SPDYE6: variants seen among roughly 807,000 people sequenced by gnomAD.
SPDYE6 encodes the protein speedy/RINGO cell cycle regulator family member E6, also known as speedy protein E6.
For synonymous variants in SPDYE6, 2 were observed against 103.0 expected, an observed-to-expected ratio of 0.02 and a Z score of 5.94; for missense variants, 8 against 297.9, an observed-to-expected ratio of 0.03 and a Z score of 7.16.
At position 102,346,022 on chromosome 7, in the gene SPDYE6, A is replaced by G. The variant is rs1794489608; in HGVS notation, c.*1245T>C. 6.6e-6 allele frequency among the ~76,000 whole-genome samples: 1 copy of G among 151,834 alleles called. No individual in the cohort carries two copies. The highest frequency in any genetic ancestry group is 1.5e-5 in the Non-Finnish European group (1 of 67,946). On this transcript the variant is annotated 3_prime_UTR_variant, in exon 8 of 8. Coordinates refer to ENST00000563237, the MANE Select transcript of SPDYE6 (RefSeq NM_001146210.4). ...TATATGTTAACTAAGTATCATAGAT[A>G]AAATCCATGCTCCCTTCAGCAGCAC...
rs1490411093 is a variant in SPDYE6, at chr7:102,346,382, T to C, written c.*885A>G. Reference sequence around the variant, plus strand: ...CGTGTTAGTATATATATCTGAGACATGTTAAAAATCACAACTGAATTCTCA... The same window carrying C: ...CGTGTTAGTATATATATCTGAGACACGTTAAAAATCACAACTGAATTCTCA... On this transcript the variant is annotated 3_prime_UTR_variant, in exon 8 of 8. Transcript: ENST00000563237. Among the ~76,000 whole-genome samples, 4 of 149,132 alleles carry C rather than the reference T, an allele frequency of 2.7e-5. No homozygotes were observed. Among genetic ancestry groups the C allele is most frequent in the African/African-American group, 4.9e-5 (2 of 41,078 alleles).
intron 4 of SPDYE6, among the ~76,000 whole-genome samples, 159 bp downstream of exon 4, chr7:102,351,899 TCACACACA>T (rs1301839417): frequency 2.7e-4 from 4 of 14,950 alleles, no homozygotes; most frequent in Admixed American, 1.6e-3. Context: ...AGACTCTGTC[TCACACACA>T]CACACACACA....
At chr7:102,349,637 TG>T in intron 5 of SPDYE6, among the ~76,000 whole-genome samples, 1 of 22,650 alleles carries the variant, frequency 4.4e-5, no homozygotes, top group Non-Finnish European at 8.9e-5. Context: ...AGTTGGAAGA[TG>T]AGGGAAGGCA....
At chr7:102,354,030 CT>C (rs1258255416) in intron 2 of SPDYE6, among the ~76,000 whole-genome samples, 9,807 of 32,346 alleles carry the variant, frequency 0.3, 1,975 homozygotes, top group Middle Eastern at 0.44. Context: ...CCCTTCCTTC[CT>C]TTTTTTTTTT....
chr7:102,351,641 T>TC (rs1394191441), intron 4 of SPDYE6, among the ~76,000 whole-genome samples: 1 of 91,622 alleles, frequency 1.1e-5, no homozygotes, highest in Non-Finnish European at 2.2e-5. Flanking sequence ...GTGGCTGACG[T>TC]CTATAATCTC....
chr7:102,346,491 T>TA lies in SPDYE6; in HGVS notation c.*775dup, dbSNP rs1266163360. On this transcript the variant is annotated 3_prime_UTR_variant, in exon 8 of 8. Coordinates refer to ENST00000563237, the MANE Select transcript of SPDYE6 (RefSeq NM_001146210.4). ...TTTCTGGTGGGGAACTACCAATAGC[T>TA]ATAAATAGAAGAGATTATTATGGAA... Among the ~76,000 whole-genome samples the TA allele has an allele frequency of 6.6e-6, 1 of 151,064 alleles. No homozygotes were observed. Among genetic ancestry groups the TA allele is most frequent in the African/African-American group, 2.4e-5 (1 of 41,284 alleles).
At chr7:102,353,640 T>C (rs1554562763) in intron 2 of SPDYE6, among the ~76,000 whole-genome samples, 1 of 74,094 alleles carries the variant, frequency 1.3e-5, no homozygotes, top group Non-Finnish European at 3.4e-5. Context: ...TGAGTCCCTT[T>C]TTTTTTTTTT....
rs803079 is a variant in SPDYE6, at chr7:102,345,748, G to A, written c.*1519C>T. 2.6e-5 allele frequency among the ~76,000 whole-genome samples: 4 copies of A among 151,958 alleles called. No individual in the cohort carries two copies. Among genetic ancestry groups the A allele is most frequent in the African/African-American group, 4.8e-5 (2 of 41,366 alleles). On this transcript the variant is annotated 3_prime_UTR_variant, in exon 8 of 8. Transcript: ENST00000563237. ...AATCCAGACCAATATGATCACAATTGCTGTGAAGGTGAGAAAAGTTCATTT... is the reference window on the plus strand; with the variant it reads ...AATCCAGACCAATATGATCACAATTACTGTGAAGGTGAGAAAAGTTCATTT...
rs1446887562 is a variant in SPDYE6 at position 102,346,992 on chromosome 7, G to A, written c.*275C>T. Reference sequence around the variant, plus strand: ...CGCAGGAAAGGGTGGAACTGGAAACGCTCCTGGTTTCTTACTTTTCTCCAA... The same window carrying A: ...CGCAGGAAAGGGTGGAACTGGAAACACTCCTGGTTTCTTACTTTTCTCCAA... On this transcript the variant is annotated 3_prime_UTR_variant, in exon 8 of 8. Transcript: ENST00000563237. Among the ~76,000 whole-genome samples, 1 of 151,112 alleles carries A rather than the reference G, an allele frequency of 6.6e-6. No homozygotes were observed.
rs1359777517 is a variant in SPDYE6, at chr7:102,346,326, T to G, written c.*941A>C. 9.0e-4 allele frequency among the ~76,000 whole-genome samples: 133 copies of G among 147,592 alleles called. No individual in the cohort carries two copies. Among genetic ancestry groups the G allele is most frequent in the Non-Finnish European group, 1.5e-3 (99 of 66,768 alleles). Reference sequence around the variant, plus strand: ...AATTCTATACCCATGTTTTTCAAAATAAACCAATAAAATAGATAGTATATA... The same window carrying G: ...AATTCTATACCCATGTTTTTCAAAAGAAACCAATAAAATAGATAGTATATA... On this transcript the variant is annotated 3_prime_UTR_variant, in exon 8 of 8. Coordinates refer to ENST00000563237, the MANE Select transcript of SPDYE6 (RefSeq NM_001146210.4).
At chr7:102,352,359 A>G (rs1179551146) in intron 3 of SPDYE6, among the ~76,000 whole-genome samples, 2 of 148,168 alleles carry the variant, frequency 1.3e-5, no homozygotes, top group Non-Finnish European at 3.0e-5. Context: ...TACAGGATGT[A>G]GAGCTGGGAA....
rs3873752 is a variant in SPDYE6, at chr7:102,346,463, A to T, written c.*804T>A. On this transcript the variant is annotated 3_prime_UTR_variant, in exon 8 of 8. Coordinates refer to ENST00000563237, the MANE Select transcript of SPDYE6 (RefSeq NM_001146210.4). ...AAAATTTCTATCACCAGAATTATGTATTTTTCTGGTGGGGAACTACCAATA... is the reference window on the plus strand; with the variant it reads ...AAAATTTCTATCACCAGAATTATGTTTTTTTCTGGTGGGGAACTACCAATA... Among the ~76,000 whole-genome samples, 1,789 of 149,914 alleles carry T rather than the reference A, an allele frequency of 0.012. 16 individuals are homozygous for T. Among genetic ancestry groups the T allele is most frequent in the South Asian group, 0.022 (105 of 4,724 alleles).
rs1450136555 is a variant in SPDYE6, at chr7:102,346,932, G to T, written c.*335C>A. ...GACCTCCAGGTTCCGCCCCAGGGAG[G>T]TTGGAATTCAGCAATATAAAAAGGG... is the stretch of plus-strand genomic sequence containing the variant. On this transcript the variant is annotated 3_prime_UTR_variant, in exon 8 of 8. Transcript: ENST00000563237. 1.1e-4 allele frequency among the ~76,000 whole-genome samples: 17 copies of T among 151,976 alleles called. No individual in the cohort carries two copies. The highest frequency in any genetic ancestry group is 2.7e-4 in the African/African-American group (11 of 41,346).
chr7:102,347,403 CACTT>C (rs1554562169), intron 7 of SPDYE6, among the ~76,000 whole-genome samples, 182 bp from the exon 8 acceptor site: 4 of 54,956 alleles, frequency 7.3e-5, no homozygotes, highest in African/African-American at 2.2e-4. Context: ...CTCCAAAACT[CACTT>C]AATACACCCA....
At position 102,346,073 on chromosome 7, in the gene SPDYE6, A is replaced by G. The variant is rs1167965880; in HGVS notation, c.*1194T>C. 1.3e-5 allele frequency among the ~76,000 whole-genome samples: 2 copies of G among 151,672 alleles called. No individual in the cohort carries two copies. Among genetic ancestry groups the G allele is most frequent in the African/African-American group, 4.8e-5 (2 of 41,388 alleles). Reference sequence around the variant, plus strand: ...GTGTAATAATAGATACAAAGATTGAAAGGTAAAAGATTTAGGATGAAAAGA... The same window carrying G: ...GTGTAATAATAGATACAAAGATTGAGAGGTAAAAGATTTAGGATGAAAAGA... On this transcript the variant is annotated 3_prime_UTR_variant, in exon 8 of 8. Coordinates refer to ENST00000563237, the MANE Select transcript of SPDYE6 (RefSeq NM_001146210.4).
rs1315998416 is a variant in SPDYE6 at position 102,345,797 on chromosome 7, C to A, written c.*1470G>T. 6.6e-6 allele frequency among the ~76,000 whole-genome samples: 1 copy of A among 152,116 alleles called. No individual in the cohort carries two copies. The highest frequency in any genetic ancestry group is 2.4e-5 in the African/African-American group (1 of 41,412). ...TTTTATTATGTTTCCCCAAGAGACC[C>A]ACTCTATTGTTCTCTTGAAAACACA... On this transcript the variant is annotated 3_prime_UTR_variant, in exon 8 of 8. Transcript: ENST00000563237.
rs1554561967 is a variant in SPDYE6, at chr7:102,345,812, T to C, written c.*1455A>G. Among the ~76,000 whole-genome samples the C allele has an allele frequency of 6.6e-6, 1 of 152,194 alleles. No individual in the cohort carries two copies. The highest frequency in any genetic ancestry group is 1.5e-5 in the Non-Finnish European group (1 of 68,038). On this transcript the variant is annotated 3_prime_UTR_variant, in exon 8 of 8. Coordinates refer to ENST00000563237, the MANE Select transcript of SPDYE6 (RefSeq NM_001146210.4). ...CCAAGAGACCCACTCTATTGTTCTC[T>C]TGAAAACACACAGCTCATGTCCTCC...
intron 2 of SPDYE6, among the ~76,000 whole-genome samples, 165 bp from the exon 3 acceptor site, chr7:102,353,553 G>T (rs1554562753): frequency 1.5e-5 from 2 of 134,888 alleles, no homozygotes; most frequent in African/African-American, 5.6e-5. Flanking sequence ...TCCATGTGCC[G>T]CTCCTTCTCC....
Position 102,346,722 on chromosome 7 carries a change from T to C in SPDYE6, c.*545A>G, listed in dbSNP as rs373215342. Among the ~76,000 whole-genome samples the C allele has an allele frequency of 3.0e-4, 46 of 152,072 alleles. 3 individuals carry two copies. The East Asian group carries it at 7.1e-3, about 24-fold the overall frequency. On this transcript the variant is annotated 3_prime_UTR_variant, in exon 8 of 8. Transcript: ENST00000563237. The stretch of plus-strand genomic sequence containing the variant: ...AAAAGTACAACAATTTCCAAACTAT[T>C]TGAAATAAATCTATGAATAATTCAA...
Sources: gnomAD v4.1 joint callset for allele counts (sites outside exome capture counted in the v4.1 genomes callset) on GRCh38, gnomAD v4.1.1 for gene constraint, MANE v1.5 for transcripts, NCBI Gene and HGNC (gene_info 2026-07-23, HGNC 2026-07-21) for gene names.